Variants in NCAM1 observed in about 807,000 individuals in gnomAD.
NCAM1 encodes neural cell adhesion molecule 1.
A neutral mutation model predicts 109.8 loss-of-function variants in NCAM1; 14 were observed. The observed-to-expected ratio is 0.13, with a 90% confidence interval of 0.08 to 0.20. The LOEUF is 0.20. NCAM1 is among the 10% of genes least tolerant of loss of function. The pLI is 1.00. For missense variants in NCAM1, 774 were observed against 1,109.9 expected (o/e 0.70, Z 4.30); for synonymous variants, 418 against 442.9 (o/e 0.94, Z 0.70).
chr11:113,181,904 T>A (rs1166176882), intron 1 of NCAM1, among the ~76,000 whole-genome samples: 3 of 152,158 alleles, frequency 2.0e-5, no homozygotes, highest in African/African-American at 7.2e-5. Flanking sequence ...CTTAGCCACT[T>A]TAGCTTCAAA....
intron 1 of NCAM1, among the ~76,000 whole-genome samples, chr11:112,994,308 T>A (rs1264441426): frequency 2.0e-5 from 3 of 152,220 alleles, no homozygotes; most frequent in Non-Finnish European, 4.4e-5. Flanking sequence ...TTACTCATGA[T>A]CTTTTAGCCT....
chr11:113,026,954 A>C (rs1952565346), intron 1 of NCAM1, among the ~76,000 whole-genome samples: 1 of 152,154 alleles, frequency 6.6e-6, no homozygotes, highest in South Asian at 2.1e-4. Flanking sequence ...CCCACACTGC[A>C]GTGTCCCTTG....
At chr11:113,112,790 C>T (rs1266020189) in intron 1 of NCAM1, among the ~76,000 whole-genome samples, 4 of 152,016 alleles carry the variant, frequency 2.6e-5, no homozygotes, top group African/African-American at 9.7e-5. Flanking sequence ...GAAGGTCTTT[C>T]TGCCTGGAGA....
At chr11:112,964,993 A>G (rs782067400) in intron 1 of NCAM1, among the ~76,000 whole-genome samples, 5 of 152,126 alleles carry the variant, frequency 3.3e-5, no homozygotes, top group Non-Finnish European at 7.4e-5. Context: ...CTGTTTTCTT[A>G]AGTTAATGCT....
intron 1 of NCAM1, among the ~76,000 whole-genome samples, chr11:113,146,000 G>A (rs746332341): frequency 3.3e-5 from 5 of 152,264 alleles, no homozygotes; most frequent in East Asian, 1.9e-4. Flanking sequence ...CTGGCTTAAC[G>A]ATGCCATAAA....
chr11:113,157,779 CT>C (rs1269826959), intron 1 of NCAM1, among the ~76,000 whole-genome samples: 7 of 152,046 alleles, frequency 4.6e-5, no homozygotes, highest in Admixed American at 4.6e-4. Flanking sequence ...TCAAGAGGCG[CT>C]TTTTTATTTT....
At chr11:113,083,420 C>A (rs1026303195) in intron 1 of NCAM1, among the ~76,000 whole-genome samples, 16 of 152,074 alleles carry the variant, frequency 1.1e-4, no homozygotes, top group Non-Finnish European at 1.8e-4. Flanking sequence ...ACACTATTTA[C>A]AGGAAAAAGG....
chr11:112,980,088 A>G (rs1232707748), intron 1 of NCAM1, among the ~76,000 whole-genome samples: 1 of 151,900 alleles, frequency 6.6e-6, no homozygotes, highest in Non-Finnish European at 1.5e-5. Flanking sequence ...CAAATGGCCA[A>G]AAGATGTCAA....
intron 1 of NCAM1, among the ~76,000 whole-genome samples, chr11:112,999,386 A>T (rs1056164300): frequency 2.0e-5 from 3 of 152,220 alleles, no homozygotes; most frequent in Admixed American, 6.5e-5. Context: ...CAGTAAAGTT[A>T]AAAGATGGTT....
At chr11:113,224,022 TG>T (rs1448837360) in intron 9 of NCAM1, among the ~76,000 whole-genome samples, 4 of 152,124 alleles carry the variant, frequency 2.6e-5, no homozygotes, top group Non-Finnish European at 5.9e-5. Flanking sequence ...AGAAGACGGA[TG>T]ATTTCTGCAT....
intron 1 of NCAM1, among the ~76,000 whole-genome samples, chr11:113,033,176 G>A (rs1555078580): frequency 6.6e-6 from 1 of 152,218 alleles, no homozygotes; most frequent in Non-Finnish European, 1.5e-5. Flanking sequence ...CAGCTGTGGG[G>A]TGAGCTGCGC....
Position 113,277,203 on chromosome 11 carries a change from C to T in NCAM1, c.*1816C>T. ...CAAGAGGTTAGGGTGGCAAGGCTGC[C>T]TCTGGGTCCATTCTGTGGGCCACTC... On this transcript the variant is annotated 3_prime_UTR_variant, in exon 20 of 20. Coordinates refer to ENST00000316851, the MANE Select transcript of NCAM1 (RefSeq NM_181351.5). 7.5e-6 allele frequency: 3 copies of T among 397,568 alleles called. No homozygotes were observed. Among genetic ancestry groups the T allele is most frequent in the East Asian group, 3.6e-5 (1 of 28,040 alleles). 24.6% of individuals were successfully genotyped at this position (397,568 alleles called of 1,614,324 possible). A position where few individuals can be genotyped will look rare whatever the true frequency, so the allele number is the denominator to read the frequency against.
chr11:113,121,467 T>G (rs576073833), intron 1 of NCAM1, among the ~76,000 whole-genome samples: 82 of 129,086 alleles, frequency 6.4e-4, no homozygotes, highest in African/African-American at 2.4e-3. Context: ...GTGATCCCCC[T>G]GCCTCGTCCT....
chr11:113,070,067 A>T (rs1246690024), intron 1 of NCAM1, among the ~76,000 whole-genome samples: 1 of 152,094 alleles, frequency 6.6e-6, no homozygotes, highest in Non-Finnish European at 1.5e-5. Context: ...AGGGGAAGTC[A>T]TGGGGGGAGG....
intron 9 of NCAM1, among the ~76,000 whole-genome samples, chr11:113,224,006 C>T (rs536456403): frequency 2.0e-5 from 3 of 152,304 alleles, no homozygotes; most frequent in East Asian, 1.9e-4. Context: ...CCAGCATGAG[C>T]GACGCAGAAG....
chr11:113,010,725 A>G (rs1424461461), intron 1 of NCAM1, among the ~76,000 whole-genome samples: 1 of 152,234 alleles, frequency 6.6e-6, no homozygotes, highest in Non-Finnish European at 1.5e-5. Flanking sequence ...AATTTAATTA[A>G]TTTCAAGTAA....
chr11:112,963,765 A>G lies in NCAM1; in HGVS notation c.52+2101A>G, dbSNP rs2134438216. On this transcript the variant is annotated intron_variant, in intron 1 of 19. Transcript: ENST00000316851. This position sits in a 1 kb window ranked among gnomAD's most constrained non-coding sequence, Gnocchi z 4.6. ...GGATCGCCTGGCGGTCCTTTCCATC[A>G]TCGTGATGGGTACAGTCATCAGTAT... Among the ~76,000 whole-genome samples the G allele has an allele frequency of 6.6e-6, 1 of 152,244 alleles. No individual in the cohort carries two copies. Among genetic ancestry groups the G allele is most frequent in the Non-Finnish European group, 1.5e-5 (1 of 68,000 alleles).
intron 1 of NCAM1, among the ~76,000 whole-genome samples, chr11:113,076,347 C>G (rs987759376): frequency 6.6e-6 from 1 of 152,230 alleles, no homozygotes; most frequent in Admixed American, 6.5e-5. Context: ...CCAGTTTTCA[C>G]TCTGCAGGTT....
chr11:113,048,118 A>T lies in NCAM1; in HGVS notation c.52+86454A>T, dbSNP rs797042640. 2.0e-5 allele frequency among the ~76,000 whole-genome samples: 3 copies of T among 152,196 alleles called. No individual in the cohort carries two copies. The South Asian group carries it at 6.2e-4, about 31-fold the overall frequency. On this transcript the variant is annotated intron_variant, in intron 1 of 19. Transcript: ENST00000316851. ...GTGATGGTGACTGCTGCTGAGACTT[A>T]AATAATCAGACACTCTGACATTGCT... is the stretch of plus-strand genomic sequence containing the variant.
Sources: allele counts gnomAD v4.1 joint callset (sites outside exome capture counted in the v4.1 genomes callset), GRCh38; gene constraint gnomAD v4.1.1; non-coding constraint Gnocchi (gnomAD v3.1); transcripts MANE v1.5; gene names NCBI Gene and HGNC (gene_info 2026-07-23, HGNC 2026-07-21).